Variants in TMEM273 observed in about 807,000 individuals in gnomAD.
TMEM273 encodes the protein chromosome 10 open reading frame 128.
A neutral mutation model predicts 17.9 loss-of-function variants in TMEM273; 19 were observed. The ratio of observed to expected loss-of-function variants is 1.06; its 90% CI spans 0.74 to 1.55. The LOEUF (loss-of-function observed/expected upper bound fraction) is 1.55, where lower values mean the gene tolerates loss of function less well. Ranked by LOEUF, TMEM273 falls within the 40% of genes most tolerant of loss-of-function variation. The pLI, the probability that TMEM273 is intolerant of heterozygous loss-of-function variation, is 0.00. For synonymous variants in TMEM273, 66 were observed against 62.0 expected (o/e 1.07, Z -0.31); for missense variants, 194 against 155.6 (o/e 1.25, Z -1.31).
intron 1 of TMEM273, among the ~76,000 whole-genome samples, chr10:49,178,033 C>A (rs575004690): frequency 8.5e-5 from 13 of 152,324 alleles, no homozygotes; most frequent in Admixed American, 8.5e-4. Flanking sequence ...CTGGACTATC[C>A]ATTTGCCTTC....
Position 49,167,012 on chromosome 10 carries a change from G to A in TMEM273, c.98-3C>T, listed in dbSNP as rs760829917. Reference sequence around the variant, plus strand: ...CCCGATGAGGGCGTACTTGAAATCTGAAACGCAGGGAGGAATTGAACACCC... The same window carrying A: ...CCCGATGAGGGCGTACTTGAAATCTAAAACGCAGGGAGGAATTGAACACCC... On this transcript the variant is annotated splice_polypyrimidine_tract_variant and splice_region_variant and intron_variant, in intron 2 of 6. Coordinates refer to ENST00000374153, the MANE Select transcript of TMEM273 (RefSeq NM_001288740.3). 5 of 1,613,740 alleles carry A rather than the reference G, an allele frequency of 3.1e-6. No individual in the cohort carries two copies. Among genetic ancestry groups the A allele is most frequent in the Non-Finnish European group, 4.2e-6 (5 of 1,179,744 alleles).
chr10:49,186,213 G>T (rs538252115), intron 1 of TMEM273, among the ~76,000 whole-genome samples: 2 of 152,134 alleles, frequency 1.3e-5, no homozygotes, highest in African/African-American at 4.8e-5. Flanking sequence ...TGTTTCATCC[G>T]TGTCAGCTCA....
At chr10:49,158,422 G>A (rs984692884) in intron 6 of TMEM273, among the ~76,000 whole-genome samples, 1 of 151,792 alleles carries the variant, frequency 6.6e-6, no homozygotes, top group Non-Finnish European at 1.5e-5. Context: ...CCCAGCTCCC[G>A]CACCATGAAA....
At chr10:49,170,781 C>T (rs1322962756) in intron 1 of TMEM273, among the ~76,000 whole-genome samples, 2 of 152,210 alleles carry the variant, frequency 1.3e-5, no homozygotes, top group Non-Finnish European at 2.9e-5. Context: ...ACTCTACACA[C>T]TCATGAGCCC....
Position 49,163,304 on chromosome 10 carries a change from T to A in TMEM273, c.349-1682A>T, listed in dbSNP as rs547572465. On this transcript the variant is annotated intron_variant, in intron 5 of 6. Coordinates refer to ENST00000374153, the MANE Select transcript of TMEM273 (RefSeq NM_001288740.3). ...GAATATGTGCATGTGTGTGTGTGTG[T>A]GTGAGAGAGAGAGAGAGAGAGAGAG... Among the ~76,000 whole-genome samples the A allele has an allele frequency of 4.2e-3, 625 of 150,262 alleles. 4 individuals carry two copies. The highest frequency in any genetic ancestry group is 0.014 in the African/African-American group (561 of 40,592).
At chr10:49,164,238 G>T (rs1846022711) in intron 5 of TMEM273, among the ~76,000 whole-genome samples, 1 of 152,188 alleles carries the variant, frequency 6.6e-6, no homozygotes, top group Non-Finnish European at 1.5e-5. Flanking sequence ...CACCTGCTCA[G>T]AGAAAACTCT....
At chr10:49,186,097 A>AAGAAGAAGAAGAAGAAGAAGAGGG (rs1240618330) in intron 1 of TMEM273, among the ~76,000 whole-genome samples, 1 of 117,052 alleles carries the variant, frequency 8.5e-6, no homozygotes, top group South Asian at 3.2e-4. Flanking sequence ...GAAGAAGAAG[A>AAGAAGAAGAAGAAGAAGAAGAGGG]AGAAGAAGAA....
intron 1 of TMEM273, among the ~76,000 whole-genome samples, chr10:49,175,850 G>T (rs7918613): frequency 3.0e-4 from 46 of 152,320 alleles, no homozygotes; most frequent in Admixed American, 3.0e-3. Flanking sequence ...TGAGGCTGTC[G>T]TGGTTGGGTG....
In TMEM273 at chr10:49,164,087, C is replaced by A. The variant is rs1019330480; in HGVS notation, c.348+1118G>T. On this transcript the variant is annotated intron_variant, in intron 5 of 6. Coordinates refer to ENST00000374153, the MANE Select transcript of TMEM273 (RefSeq NM_001288740.3). ...CCACTAACCCTGTGTCAACCCAGAC[C>A]TCTGTCCTAAATGCCAGCCACTTAC... Among the ~76,000 whole-genome samples, 3 of 152,170 alleles carry A rather than the reference C, an allele frequency of 2.0e-5. No individual in the cohort carries two copies. The East Asian group carries it at 5.8e-4, about 29-fold the overall frequency.
intron 6 of TMEM273, chr10:49,156,290 G>T (rs1266036153): frequency 7.6e-7 from 1 of 1,317,256 alleles, no homozygotes; most frequent in Non-Finnish European, 1.0e-6. Context: ...AGACCTATGA[G>T]AATAGAACTG....
chr10:49,160,608 T>G (rs558108022), intron 6 of TMEM273: 16 of 152,078 alleles, frequency 1.1e-4, no homozygotes, highest in Non-Finnish European at 2.4e-4. Context: ...CCAGAGAAAT[T>G]TAAATATGGA....
chr10:49,165,941 G>A (rs1055718690), intron 3 of TMEM273, 145 bp from the exon 4 acceptor site: 2 of 1,028,232 alleles, frequency 1.9e-6, no homozygotes, highest in East Asian at 2.5e-5. Context: ...ATGTGATGAA[G>A]AGGCTGTTTC....
At chr10:49,165,978 G>A (rs564703130) in intron 3 of TMEM273, among the ~76,000 whole-genome samples, 182 bp from the exon 4 acceptor site, 28 of 152,262 alleles carry the variant, frequency 1.8e-4, no homozygotes, top group African/African-American at 6.3e-4. Flanking sequence ...GGATACACAA[G>A]GATAAGCAAA....
intron 5 of TMEM273, among the ~76,000 whole-genome samples, chr10:49,164,257 C>G (rs956924813): frequency 6.6e-6 from 1 of 152,188 alleles, no homozygotes; most frequent in Non-Finnish European, 1.5e-5. Context: ...CTGAGCTGTT[C>G]TAGATTCTTT....
intron 1 of TMEM273, among the ~76,000 whole-genome samples, chr10:49,170,412 C>T (rs1400328509): frequency 2.6e-5 from 4 of 152,152 alleles, no homozygotes; most frequent in South Asian, 4.1e-4. Flanking sequence ...GTGGCTGGGA[C>T]CCCTGGCTGA....
chr10:49,181,153 G>A (rs536978758), intron 1 of TMEM273, among the ~76,000 whole-genome samples: 15 of 152,116 alleles, frequency 9.9e-5, no homozygotes, highest in African/African-American at 2.4e-4. Context: ...CACAACTTAC[G>A]ATCACTCATA....
At chr10:49,181,758 A>G (rs1233344398) in intron 1 of TMEM273, among the ~76,000 whole-genome samples, 1 of 152,196 alleles carries the variant, frequency 6.6e-6, no homozygotes, top group East Asian at 1.9e-4. Flanking sequence ...TTTTAGGGGG[A>G]AATCTTGAGA....
chr10:49,186,457 C>T (rs947161204), intron 1 of TMEM273, among the ~76,000 whole-genome samples: 3 of 152,168 alleles, frequency 2.0e-5, no homozygotes, highest in Admixed American at 6.5e-5. Context: ...TCTTACATTT[C>T]GCTTACATTG....
chr10:49,168,080 G>C (rs905044435), intron 1 of TMEM273, 118 bp from the exon 2 acceptor site: 7 of 1,211,056 alleles, frequency 5.8e-6, no homozygotes, highest in African/African-American at 4.5e-5. Context: ...ACAGAGGTGG[G>C]CTCCCAATTG....
Sources: gnomAD v4.1 joint callset for allele counts (sites outside exome capture counted in the v4.1 genomes callset) on GRCh38, gnomAD v4.1.1 for gene constraint, MANE v1.5 for transcripts, NCBI Gene and HGNC (gene_info 2026-07-23, HGNC 2026-07-21) for gene names.